The following SLC1A2 variants were observed in gnomAD, a reference collection of about 807,000 sequenced individuals.
SLC1A2 encodes the protein solute carrier family 1 member 2.
In SLC1A2, 15 loss-of-function variants were observed where a neutral mutation model predicts 48.8. The observed-to-expected ratio is 0.31, with a 90% CI of 0.21 to 0.47. The LOEUF is 0.47. Among genes scored for constraint, SLC1A2 ranks in the 20% least tolerant of loss-of-function variants. The pLI is 0.99. For missense variants in SLC1A2, 502 were observed against 730.5 expected (o/e 0.69, Z 3.61); for synonymous variants, 279 against 272.6 (o/e 1.02, Z -0.23).
intron 1 of SLC1A2, among the ~76,000 whole-genome samples, chr11:35,365,321 A>T (rs1482072968): frequency 6.6e-6 from 1 of 152,162 alleles, no homozygotes; most frequent in African/African-American, 2.4e-5. Context: ...ATGATCAATG[A>T]TATGGTAAAG....
At chr11:35,337,288 T>C (rs960966647) in intron 1 of SLC1A2, among the ~76,000 whole-genome samples, 1 of 152,154 alleles carries the variant, frequency 6.6e-6, no homozygotes, top group Non-Finnish European at 1.5e-5. Flanking sequence ...GCTGTTTAAA[T>C]GGCTGCCAGC....
chr11:35,349,038 C>T (rs1464704221), intron 1 of SLC1A2, among the ~76,000 whole-genome samples: 1 of 151,896 alleles, frequency 6.6e-6, no homozygotes, highest in African/African-American at 2.4e-5. Flanking sequence ...ATACATCAGG[C>T]AGAGGAAATA....
intron 1 of SLC1A2, among the ~76,000 whole-genome samples, chr11:35,348,938 G>A (rs1853141244): frequency 1.3e-5 from 2 of 149,894 alleles, no homozygotes; most frequent in African/African-American, 2.5e-5. Flanking sequence ...GGGAATCATT[G>A]GGAACAGGTT....
At chr11:35,275,149 A>G (rs901787411) in intron 9 of SLC1A2, among the ~76,000 whole-genome samples, 6 of 152,206 alleles carry the variant, frequency 3.9e-5, no homozygotes, top group African/African-American at 1.4e-4. Context: ...TTCTCTCCAG[A>G]GAGGAATGCT....
intron 1 of SLC1A2, chr11:35,404,267 A>G (rs1366068695): frequency 6.6e-6 from 1 of 152,146 alleles, no homozygotes; most frequent in African/African-American, 2.4e-5. Context: ...GGGTTGCCCC[A>G]TTCACCTTAA....
intron 1 of SLC1A2, among the ~76,000 whole-genome samples, chr11:35,404,051 A>G (rs4756228): frequency 0.58 from 87,401 of 151,604 alleles, 25,563 homozygotes; most frequent in Middle Eastern, 0.69. Context: ...ACGTTTTCAC[A>G]CCTATTTTAA....
chr11:35,315,962 A>G lies in SLC1A2; in HGVS notation c.158-787T>C, dbSNP rs928241084. 4 of 152,256 alleles carry G rather than the reference A, an allele frequency of 2.6e-5. No homozygotes were observed. In the East Asian group the frequency reaches 5.8e-4, roughly 22 times the overall value. The allele number at this position is 152,256 out of a possible 1,614,324, so 9.4% of individuals were successfully genotyped here. On this transcript the variant is annotated intron_variant, in intron 2 of 10. Transcript: ENST00000278379. ...GGAGGCAAGATAAAATGAACATTTA[A>G]TTGACCAAGCTAGTGTGAATTCTAT...
chr11:35,393,816 G>A (rs1854859474), intron 1 of SLC1A2, among the ~76,000 whole-genome samples: 1 of 152,138 alleles, frequency 6.6e-6, no homozygotes, highest in Non-Finnish European at 1.5e-5. Context: ...CTTAATGGTG[G>A]TTTGCTCAAA....
In SLC1A2 at chr11:35,419,242, C is replaced by G. The variant is rs2085174334; in HGVS notation, c.-276G>C. ...GCTTGGCGGGGAGCTCCGGGGGCTCCGAGGGTGGCTTCCCCGAGAGAGCGA... is the reference window on the plus strand; with the variant it reads ...GCTTGGCGGGGAGCTCCGGGGGCTCGGAGGGTGGCTTCCCCGAGAGAGCGA... On this transcript the variant is annotated 5_prime_UTR_variant, in exon 1 of 11. Transcript: ENST00000278379. The surrounding 1 kb of genome is among the most constrained non-coding windows in gnomAD (Gnocchi z 5.4). The G allele has an allele frequency of 2.5e-6, 1 of 399,108 alleles. No homozygotes were observed. Among genetic ancestry groups the G allele is most frequent in the Non-Finnish European group, 4.4e-6 (1 of 226,190 alleles). 24.7% of individuals were successfully genotyped at this position (399,108 alleles called of 1,614,324 possible).
In SLC1A2 at chr11:35,400,531, T is replaced by C. The variant is rs188293073; in HGVS notation, c.17+18419A>G. On this transcript the variant is annotated intron_variant, in intron 1 of 10. Coordinates refer to ENST00000278379, the MANE Select transcript of SLC1A2 (RefSeq NM_004171.4). The stretch of plus-strand genomic sequence containing the variant: ...AGTATTGTGGAGTTTTTGAAGATCA[T>C]GCTTGTGTCTAATTAGTATAGATTT... 5.3e-4 allele frequency among the ~76,000 whole-genome samples: 80 copies of C among 152,340 alleles called. No individual in the cohort carries two copies. The Middle Eastern group carries it at 0.017, about 32-fold the overall frequency.
intron 2 of SLC1A2, 22 bp downstream of exon 2, chr11:35,317,355 G>A (rs2273686): frequency 0.093 from 149,400 of 1,606,928 alleles, 8,244 homozygotes; most frequent in Middle Eastern, 0.2. Context: ...GGGGCTGGGG[G>A]TGGGGTAGTG....
chr11:35,419,903 C>G (rs1410859315), upstream of SLC1A2: 4 of 469,208 alleles, frequency 8.5e-6, no homozygotes, highest in Non-Finnish European at 1.8e-5. This position sits in a 1 kb window ranked among gnomAD's most constrained non-coding sequence, Gnocchi z 5.4. Context: ...TCAGCTCACA[C>G]TCACCCCCAA....
chr11:35,256,396 A>G lies in SLC1A2; in HGVS notation c.*4498T>C, dbSNP rs1162171181. 1 of 152,516 alleles carries G rather than the reference A, an allele frequency of 6.6e-6. No individual in the cohort carries two copies. The highest frequency in any genetic ancestry group is 1.9e-4 in the East Asian group (1 of 5,202). The allele number at this position is 152,516 out of a possible 1,614,324, so 9.4% of individuals were successfully genotyped here. ...AGGAAAGGAAGAGGTGGAGTAGAAA[A>G]TTTGGTTTTCTTTTAGGGAAAATCA... On this transcript the variant is annotated 3_prime_UTR_variant, in exon 11 of 11. Coordinates refer to ENST00000278379, the MANE Select transcript of SLC1A2 (RefSeq NM_004171.4).
chr11:35,349,544 AAGAG>A (rs1853165233), intron 1 of SLC1A2, among the ~76,000 whole-genome samples: 1 of 152,164 alleles, frequency 6.6e-6, no homozygotes, highest in African/African-American at 2.4e-5. Flanking sequence ...TGAGAAAATA[AAGAG>A]AGAGAAGAGC....
chr11:35,306,384 G>A (rs2134830587), intron 4 of SLC1A2, 142 bp from the exon 5 acceptor site: 1 of 591,036 alleles, frequency 1.7e-6, no homozygotes. Context: ...TATGAAAACT[G>A]GAGAATATTT....
At chr11:35,377,026 A>C (rs778109611) in intron 1 of SLC1A2, among the ~76,000 whole-genome samples, 9 of 152,264 alleles carry the variant, frequency 5.9e-5, no homozygotes, top group Admixed American at 5.2e-4. Flanking sequence ...CATGAAGATC[A>C]GAATGGCTGA....
intron 9 of SLC1A2, chr11:35,280,241 G>T (rs1031017376): frequency 6.6e-6 from 1 of 151,850 alleles, no homozygotes; most frequent in Non-Finnish European, 1.5e-5. Context: ...AGCTCACTGC[G>T]ACCTCCGCCT....
At chr11:35,286,672 A>G in intron 8 of SLC1A2, 85 bp downstream of exon 8, 1 of 941,044 alleles carries the variant, frequency 1.1e-6, no homozygotes, top group Non-Finnish European at 1.6e-6. Flanking sequence ...GCAGAAATGA[A>G]ATTCAAGTGG....
At chr11:35,331,846 A>G (rs747062721) in intron 1 of SLC1A2, among the ~76,000 whole-genome samples, 1 of 152,146 alleles carries the variant, frequency 6.6e-6, no homozygotes, top group Non-Finnish European at 1.5e-5. Context: ...AATTCATCAC[A>G]TTCATATGGT....
Sources: allele counts gnomAD v4.1 joint callset (sites outside exome capture counted in the v4.1 genomes callset), GRCh38; gene constraint gnomAD v4.1.1; non-coding constraint Gnocchi (gnomAD v3.1); transcripts MANE v1.5; gene names NCBI Gene and HGNC (gene_info 2026-07-23, HGNC 2026-07-21).